The following VDAC2 variants were observed in gnomAD, a reference collection of about 807,000 sequenced individuals.
VDAC2 encodes the protein non-selective voltage-gated ion channel VDAC2.
A neutral mutation model predicts 36.6 loss-of-function variants in VDAC2; 6 were observed. That is an observed-to-expected ratio of 0.16 (90% CI 0.09 to 0.32). The LOEUF is 0.32. Among genes scored for constraint, VDAC2 ranks in the 10% least tolerant of loss-of-function variants. The pLI is 1.00. For missense variants in VDAC2, 247 were observed against 346.0 expected, an observed-to-expected ratio of 0.71 and a Z score of 2.27; for synonymous variants, 109 against 123.8, an observed-to-expected ratio of 0.88 and a Z score of 0.79.
At chr10:75,210,663 C>CA, upstream of VDAC2, 1 of 153,558 alleles carries the variant, frequency 6.5e-6, no homozygotes, top group South Asian at 2.0e-4. Flanking sequence ...CGGACGGAGG[C>CA]AGCCCACCTG....
In VDAC2 at chr10:75,212,081, T is replaced by C. The variant is rs533140583; in HGVS notation, c.32-149T>C. On this transcript the variant is annotated intron_variant, in intron 2 of 9. Coordinates refer to ENST00000332211, the MANE Select transcript of VDAC2 (RefSeq NM_001391963.1). ...GTGGTATCTCCTTTATGGGTCGTTA[T>C]AGTTCTATTGTAGCTCCTGACCGCA... 1.2e-5 allele frequency: 8 copies of C among 691,466 alleles called. No homozygotes were observed. In the African/African-American group the frequency reaches 1.3e-4, roughly 11 times the overall value. 42.8% of individuals were successfully genotyped at this position (691,466 alleles called of 1,614,324 possible). A position where few individuals can be genotyped will look rare whatever the true frequency, so the allele number is the denominator to read the frequency against.
chr10:75,226,401 G>A (rs988570999), intron 8 of VDAC2, among the ~76,000 whole-genome samples: 2 of 150,042 alleles, frequency 1.3e-5, no homozygotes, highest in Admixed American at 1.3e-4. Flanking sequence ...ATTTGTCCTC[G>A]GTTCCTGAAA....
chr10:75,210,909 T>TGGC lies in VDAC2; in HGVS notation c.-48_-46dup. The TGGC allele has an allele frequency of 2.6e-6, 1 of 390,654 alleles. No individual in the cohort carries two copies. The highest frequency in any genetic ancestry group is 4.6e-6 in the Non-Finnish European group (1 of 219,374). The allele number at this position is 390,654 out of a possible 1,614,324, so 24.2% of individuals were successfully genotyped here. A position where few individuals can be genotyped will look rare whatever the true frequency, so the allele number is the denominator to read the frequency against. On this transcript the variant is annotated 5_prime_UTR_variant, in exon 1 of 10. Transcript: ENST00000332211. ...GCGGCTTCAGCAGCTAGCGGAGCGG[T>TGGC]GGCGGCGGCCCCCCTCAGGACACCA...
At position 75,223,906 on chromosome 10, in the gene VDAC2, G is replaced by A. The variant is rs147871647; in HGVS notation, c.735+1504G>A. Among the ~76,000 whole-genome samples the A allele has an allele frequency of 1.3e-3, 205 of 152,346 alleles. 1 individual carries two copies. Among genetic ancestry groups the A allele is most frequent in the Admixed American group, 2.7e-3 (42 of 15,294 alleles). The stretch of plus-strand genomic sequence containing the variant: ...TAGGTAGCTGAGGTTACTGGAAGGT[G>A]GCATGTCTGGAGAGGGCATTGAAGC... On this transcript the variant is annotated intron_variant, in intron 8 of 9. Coordinates refer to ENST00000332211, the MANE Select transcript of VDAC2 (RefSeq NM_001391963.1).
chr10:75,214,391 G>A (rs555093551), intron 4 of VDAC2, among the ~76,000 whole-genome samples: 3 of 152,310 alleles, frequency 2.0e-5, no homozygotes, highest in Admixed American at 6.5e-5. Flanking sequence ...AACAATGCTC[G>A]TCAGAGTTAT....
intron 4 of VDAC2, among the ~76,000 whole-genome samples, chr10:75,215,884 G>A (rs557833632): frequency 4.4e-4 from 67 of 151,732 alleles, no homozygotes; most frequent in African/African-American, 1.5e-3. Context: ...ACCATGCCCC[G>A]CTAATTTTTG....
At chr10:75,227,694 C>G (rs967463463) in intron 8 of VDAC2, among the ~76,000 whole-genome samples, 1 of 142,034 alleles carries the variant, frequency 7.0e-6, no homozygotes, top group Non-Finnish European at 1.5e-5. Flanking sequence ...TCAAGTGATT[C>G]TCCTGCCTTA....
At position 75,219,169 on chromosome 10, in the gene VDAC2, G is replaced by A; in HGVS notation, c.257G>A (p.Trp86Ter). 6.2e-7 allele frequency: 1 copy of A among 1,612,498 alleles called. No homozygotes were observed. The part of the protein sequence containing the change: ...CEYGLTFTEK[W>*]NTDNTLGTEI... ...TATGGTCTGACTTTCACAGAAAAGT[G>A]GAACACTGATAACACTCTGGGAACA... The change falls in exon 5 of 10, where the codon TGG becomes TAG. Residue 86 changes from tryptophan (W) to a stop codon, truncating the protein, a stop_gained. Transcript: ENST00000332211. LOFTEE classifies it high-confidence loss of function.
chr10:75,214,882 A>T (rs1841550014), intron 4 of VDAC2, among the ~76,000 whole-genome samples: 1 of 151,986 alleles, frequency 6.6e-6, no homozygotes, highest in Non-Finnish European at 1.5e-5. Context: ...TAGTTCAATG[A>T]ACTGTTTACA....
intron 8 of VDAC2, among the ~76,000 whole-genome samples, chr10:75,226,510 A>G (rs1841957674): frequency 7.1e-6 from 1 of 140,612 alleles, no homozygotes; most frequent in South Asian, 2.2e-4. Context: ...TGGATGGAGT[A>G]CAGTGGCACC....
chr10:75,211,546 T>C, intron 2 of VDAC2: 1 of 1,550,358 alleles, frequency 6.5e-7, no homozygotes. Context: ...AGGTCATTAC[T>C]TGTGCTCCTA....
At chr10:75,221,079 A>G in intron 7 of VDAC2, 109 bp downstream of exon 7, 2 of 1,166,966 alleles carry the variant, frequency 1.7e-6, no homozygotes, top group African/African-American at 1.5e-5. Context: ...CATAACATTT[A>G]AAAACAAAAT....
At chr10:75,226,360 G>A (rs575210337) in intron 8 of VDAC2, among the ~76,000 whole-genome samples, 3 of 151,340 alleles carry the variant, frequency 2.0e-5, no homozygotes, top group Non-Finnish European at 2.9e-5. Context: ...GACTAGAGCC[G>A]TAAGAGTGTA....
intron 5 of VDAC2, 30 bp from the exon 6 acceptor site, chr10:75,219,274 A>T (rs780226338): frequency 7.0e-6 from 11 of 1,570,530 alleles, no homozygotes; most frequent in Non-Finnish European, 9.5e-6. Flanking sequence ...TTTCAAAAAA[A>T]GAAAACAAAT....
At chr10:75,211,441 T>G in intron 2 of VDAC2, 1 of 1,484,594 alleles carries the variant, frequency 6.7e-7, no homozygotes, top group African/African-American at 1.4e-5. Flanking sequence ...CTTTGACGTA[T>G]AGAAGTAAAA....
intron 8 of VDAC2, among the ~76,000 whole-genome samples, chr10:75,227,764 T>A (rs982973237): frequency 6.6e-6 from 1 of 151,310 alleles, no homozygotes; most frequent in South Asian, 2.1e-4. Context: ...TTTTTGTAGT[T>A]TTAGTAGAGA....
rs537183506 is a variant in VDAC2 at position 75,217,171 on chromosome 10, C to T, written c.151-1892C>T. Among the ~76,000 whole-genome samples the T allele has an allele frequency of 5.9e-5, 9 of 152,170 alleles. No individual in the cohort carries two copies. The South Asian group carries it at 1.2e-3, about 21-fold the overall frequency. On this transcript the variant is annotated intron_variant, in intron 4 of 9. Coordinates refer to ENST00000332211, the MANE Select transcript of VDAC2 (RefSeq NM_001391963.1). ...ACTTGGGAGGCTGAGATAGGAGGAT[C>T]GCTTGAGCCCAGGAGTTTGAGGCTG...
At chr10:75,210,753 C>T (rs751196209), upstream of VDAC2, 22 of 167,514 alleles carry the variant, frequency 1.3e-4, 1 homozygote, top group South Asian at 5.6e-4. Flanking sequence ...CAGGGACAGG[C>T]GCGGCGGACA....
At chr10:75,222,126 C>T (rs540797785) in intron 7 of VDAC2, 126 bp from the exon 8 acceptor site, 7 of 1,026,348 alleles carry the variant, frequency 6.8e-6, no homozygotes, top group African/African-American at 4.9e-5. Flanking sequence ...TGCAAGTTTT[C>T]AGTGGAACAC....
Sources: allele counts gnomAD v4.1 joint callset (sites outside exome capture counted in the v4.1 genomes callset), GRCh38; gene constraint gnomAD v4.1.1; transcripts MANE v1.5; gene names NCBI Gene and HGNC (gene_info 2026-07-23, HGNC 2026-07-21).